Variants in ARHGEF11 observed in about 807,000 individuals in gnomAD.
ARHGEF11 encodes the protein Rho guanine exchange factor (GEF) 11.
A neutral mutation model predicts 193.7 loss-of-function variants in ARHGEF11; 55 were observed. The observed-to-expected ratio is 0.28, with a 90% CI of 0.23 to 0.36. The LOEUF is 0.36. Among genes scored for constraint, ARHGEF11 ranks in the 10% least tolerant of loss-of-function variants. The pLI, the probability that ARHGEF11 is intolerant of heterozygous loss-of-function variation, is 1.00. For synonymous variants in ARHGEF11, 693 were observed against 768.0 expected (o/e 0.90, Z 1.62); for missense variants, 1,723 against 2,005.6 (o/e 0.86, Z 2.69).
chr1:156,962,048 C>A (rs1660941227), intron 13 of ARHGEF11, among the ~76,000 whole-genome samples: 1 of 152,164 alleles, frequency 6.6e-6, no homozygotes, highest in South Asian at 2.1e-4. Context: ...AAAATAATCC[C>A]CACCCCCTTT....
At chr1:156,946,514 G>A (rs1268230394) in intron 28 of ARHGEF11, 148 bp downstream of exon 28, 4 of 1,186,650 alleles carry the variant, frequency 3.4e-6, no homozygotes, top group Non-Finnish European at 4.8e-6. Flanking sequence ...TTTGTCTAGA[G>A]TGAGTCAGTG....
chr1:156,975,369 A>T (rs1663112328), intron 7 of ARHGEF11, among the ~76,000 whole-genome samples: 1 of 152,170 alleles, frequency 6.6e-6, no homozygotes, highest in Non-Finnish European at 1.5e-5. Flanking sequence ...GAGACTGTCT[A>T]TTCAAATCCT....
intron 2 of ARHGEF11, among the ~76,000 whole-genome samples, chr1:156,985,465 C>A (rs545984435): frequency 6.6e-6 from 1 of 152,084 alleles, no homozygotes; most frequent in Non-Finnish European, 1.5e-5. Flanking sequence ...GCTCTGTCAC[C>A]CAGGCTGGAG....
intron 1 of ARHGEF11, among the ~76,000 whole-genome samples, chr1:156,990,888 G>C (rs1665604143): frequency 6.6e-6 from 1 of 152,170 alleles, no homozygotes; most frequent in Non-Finnish European, 1.5e-5. Flanking sequence ...AAGGAGCCCT[G>C]TTCCTTTTAG....
chr1:156,968,678 TG>T (rs1385741115), intron 10 of ARHGEF11, among the ~76,000 whole-genome samples: 2 of 152,268 alleles, frequency 1.3e-5, no homozygotes, highest in Admixed American at 1.3e-4. Context: ...TTAATTACTC[TG>T]GCTAAGCAAA....
At chr1:157,001,905 A>T (rs996856714) in intron 1 of ARHGEF11, among the ~76,000 whole-genome samples, 1 of 152,246 alleles carries the variant, frequency 6.6e-6, no homozygotes, top group African/African-American at 2.4e-5. Flanking sequence ...TTTGTCCTAC[A>T]GCACTTAATT....
chr1:157,018,540 G>A (rs9787405), intron 1 of ARHGEF11, among the ~76,000 whole-genome samples: 24,841 of 151,902 alleles, frequency 0.16, 2,126 homozygotes, highest in East Asian at 0.33. Context: ...AGTTACTTGG[G>A]AGGCTGAGGC....
chr1:157,042,602 T>A (rs2103113411), intron 1 of ARHGEF11, among the ~76,000 whole-genome samples: 1 of 152,186 alleles, frequency 6.6e-6, no homozygotes, highest in South Asian at 2.1e-4. Context: ...AGAACCACTG[T>A]GAGATTCAAA....
chr1:157,004,271 A>G (rs183933533), intron 1 of ARHGEF11, among the ~76,000 whole-genome samples: 70 of 152,280 alleles, frequency 4.6e-4, no homozygotes, highest in Non-Finnish European at 8.1e-4. Flanking sequence ...TCCTACCACT[A>G]TCCTAATCGC....
chr1:157,018,827 T>C (rs571850446), intron 1 of ARHGEF11, among the ~76,000 whole-genome samples: 35 of 152,272 alleles, frequency 2.3e-4, no homozygotes, highest in African/African-American at 7.9e-4. Flanking sequence ...ACCACACATA[T>C]ACGATCAATG....
chr1:157,017,608 C>CTTGGG, intron 1 of ARHGEF11, among the ~76,000 whole-genome samples: 1 of 147,158 alleles, frequency 6.8e-6, no homozygotes, highest in Non-Finnish European at 1.5e-5. Flanking sequence ...TTGGGAGGCT[C>CTTGGG]AGGCAGGAGA....
At chr1:156,984,766 A>G (rs1342097161) in intron 2 of ARHGEF11, among the ~76,000 whole-genome samples, 5 of 152,144 alleles carry the variant, frequency 3.3e-5, no homozygotes. Flanking sequence ...AGGTCTAGCC[A>G]TCCTCCTGAA....
At chr1:157,013,092 T>G (rs1181639938) in intron 1 of ARHGEF11, among the ~76,000 whole-genome samples, 1 of 152,084 alleles carries the variant, frequency 6.6e-6, no homozygotes. Flanking sequence ...ACTCCTCATC[T>G]TTTGCTCTGC....
chr1:156,996,281 A>C (rs1312502758), intron 1 of ARHGEF11, among the ~76,000 whole-genome samples: 1 of 152,202 alleles, frequency 6.6e-6, no homozygotes, highest in Non-Finnish European at 1.5e-5. Context: ...CTGCATGTTA[A>C]AGTGTGTTGG....
At position 156,944,225 on chromosome 1, in the gene ARHGEF11, C is replaced by T. The variant is rs1050527362; in HGVS notation, c.3068-123G>A. 3 of 1,429,254 alleles carry T rather than the reference C, an allele frequency of 2.1e-6. No homozygotes were observed. The African/African-American group carries it at 4.3e-5, about 20-fold the overall frequency. The allele number at this position is 1,429,254 out of a possible 1,614,324, so 88.5% of individuals were successfully genotyped here. A position where few individuals can be genotyped will look rare whatever the true frequency, so the allele number is the denominator to read the frequency against. ...CTGGGAGTCTGGTGACCCCATTTCT[C>T]TCTCTGATTATTCCCTTCCCATGTC... On this transcript the variant is annotated intron_variant, in intron 31 of 40. Transcript: ENST00000368194.
rs1193373124 is a variant in ARHGEF11 at position 157,045,693 on chromosome 1, AG to A, written c.-1364del. Among the ~76,000 whole-genome samples, 5 of 149,818 alleles carry A rather than the reference AG, an allele frequency of 3.3e-5. No individual in the cohort carries two copies. The highest frequency in any genetic ancestry group is 9.7e-5 in the African/African-American group (4 of 41,058). ...GCTCGGGACGCCAGGCTCGGCGCACAGGGAAGGCTGCGGCGGCTGCGGCAGG... is the reference window on the plus strand; with the variant it reads ...GCTCGGGACGCCAGGCTCGGCGCACAGGAAGGCTGCGGCGGCTGCGGCAGG... On this transcript the variant is annotated 5_prime_UTR_variant, in exon 1 of 41. Coordinates refer to ENST00000368194, the MANE Select transcript of ARHGEF11 (RefSeq NM_198236.3).
intron 21 of ARHGEF11, 144 bp from the exon 22 acceptor site, chr1:156,951,843 T>G: frequency 9.1e-7 from 1 of 1,102,014 alleles, no homozygotes; most frequent in Non-Finnish European, 1.3e-6. Flanking sequence ...GGAGATGTGT[T>G]CTGGTCCTGG....
chr1:156,948,188 C>A lies in ARHGEF11; in HGVS notation c.2146G>T (p.Gly716Cys). ...NPTPPFTPKM[G>C]RRSIESPSLG... ...ACCGTGCCCATCACTTACCTGCGGC[C>A]CATTTTGGGAGTGAATGGAGGGGTT... Residue 716 changes from glycine (G) to cysteine (C), a missense_variant, in exon 24 of 41, where the codon GGC (glycine) becomes TGC (cysteine). Gly to Cys is a radical substitution (Grantham distance 159). Coordinates refer to ENST00000368194, the MANE Select transcript of ARHGEF11 (RefSeq NM_198236.3). This position sits in a 1 kb window ranked among gnomAD's most constrained non-coding sequence, Gnocchi z 4.2. 2 of 1,568,024 alleles carry A rather than the reference C, an allele frequency of 1.3e-6. No individual in the cohort carries two copies. Among genetic ancestry groups the A allele is most frequent in the Non-Finnish European group, 1.7e-6 (2 of 1,155,288 alleles).
intron 11 of ARHGEF11, among the ~76,000 whole-genome samples, chr1:156,964,842 T>G: frequency 6.6e-6 from 1 of 152,298 alleles, no homozygotes; most frequent in Non-Finnish European, 1.5e-5. Context: ...AGGTGGTGGG[T>G]GAGCACTTCT....
Sources: gnomAD v4.1 joint callset for allele counts (sites outside exome capture counted in the v4.1 genomes callset) on GRCh38, gnomAD v4.1.1 for gene constraint, Gnocchi (gnomAD v3.1) non-coding constraint, MANE v1.5 for transcripts, NCBI Gene and HGNC (gene_info 2026-07-23, HGNC 2026-07-21) for gene names.